The following CERK variants were observed in gnomAD, a reference collection of about 807,000 sequenced individuals.
CERK encodes ceramide kinase.
CERK carries 39 observed loss-of-function variants against 63.4 expected under a neutral mutation model. The observed-to-expected ratio is 0.61, with a 90% confidence interval of 0.48 to 0.80. The LOEUF is 0.80. Ranked by LOEUF, CERK falls within the 30% of genes least tolerant of loss-of-function variation. CERK has a pLI of 0.00. For synonymous variants in CERK, 302 were observed against 280.0 expected, an observed-to-expected ratio of 1.08 and a Z score of -0.78; for missense variants, 670 against 714.1, an observed-to-expected ratio of 0.94 and a Z score of 0.70.
Position 46,711,157 on chromosome 22 carries a change from GA to G in CERK, c.506-9del. The G allele has an allele frequency of 6.2e-7, 1 of 1,606,270 alleles. No homozygotes were observed. Among genetic ancestry groups the G allele is most frequent in the Non-Finnish European group, 8.5e-7 (1 of 1,172,918 alleles). On this transcript the variant is annotated splice_polypyrimidine_tract_variant and intron_variant, in intron 4 of 12. Transcript: ENST00000216264. ...GATTAGCATGTTCAGTAACTGTGGG[GA>G]AAAATTACATCACACAGTTTATATT...
At chr22:46,723,789 C>T (rs1447121751) in intron 1 of CERK, among the ~76,000 whole-genome samples, 1 of 151,914 alleles carries the variant, frequency 6.6e-6, no homozygotes, top group African/African-American at 2.4e-5. Context: ...CCTCCGCTTC[C>T]CAGGTTCAAG....
chr22:46,718,372 G>A (rs1033770052), intron 3 of CERK, among the ~76,000 whole-genome samples: 3 of 152,138 alleles, frequency 2.0e-5, no homozygotes, highest in South Asian at 2.1e-4. Context: ...CAGGACGGAC[G>A]GAAAGGGGGA....
intron 1 of CERK, among the ~76,000 whole-genome samples, chr22:46,721,871 T>A (rs2082894421): frequency 6.6e-6 from 1 of 152,160 alleles, no homozygotes; most frequent in African/African-American, 2.4e-5. Context: ...CAAGGACCCA[T>A]TCCACCCGAG....
chr22:46,720,334 C>G, intron 2 of CERK, 126 bp from the exon 3 acceptor site: 1 of 1,051,312 alleles, frequency 9.5e-7, no homozygotes, highest in Non-Finnish European at 1.3e-6. Flanking sequence ...GGTTCTCCTC[C>G]CTTCTAATTA....
chr22:46,693,442 C>A lies in CERK; in HGVS notation c.1111G>T (p.Gly371Cys), dbSNP rs781198807. Residue 371 changes from glycine to cysteine, a missense_variant, in exon 10 of 13, where the codon GGT (glycine) becomes TGT (cysteine). By Grantham distance (159) the Gly-to-Cys change is radical. Coordinates refer to ENST00000216264, the MANE Select transcript of CERK (RefSeq NM_022766.6). ...TAGGAATTACCCGCAGCTTCCAAACCATACAGTGCTTTCTTCTGCTCCTCC... is the reference window on the plus strand; with the variant it reads ...TAGGAATTACCCGCAGCTTCCAAACAATACAGTGCTTTCTTCTGCTCCTCC... ...LEEEQKKALYGLEAAEDVEEW... is the reference protein window; with the variant it reads ...LEEEQKKALYCLEAAEDVEEW... 6.2e-7 allele frequency: 1 copy of A among 1,614,122 alleles called. No individual in the cohort carries two copies. The highest frequency in any genetic ancestry group is 8.5e-7 in the Non-Finnish European group (1 of 1,179,978).
intron 12 of CERK, among the ~76,000 whole-genome samples, chr22:46,687,531 C>T (rs893149374): frequency 6.6e-6 from 1 of 152,226 alleles, no homozygotes. Context: ...GACTCGAACT[C>T]CAGCACCCCC....
At chr22:46,687,297 C>A in intron 12 of CERK, 91 bp from the exon 13 acceptor site, 1 of 486,960 alleles carries the variant, frequency 2.1e-6, no homozygotes, top group South Asian at 2.5e-5. Flanking sequence ...TGCAGTAAAC[C>A]CCACGTGTCC....
rs180704834 is a variant in CERK, at chr22:46,736,329, C to G, written c.142+1678G>C. ...TCCCACACAGATGCCCTGTAAGGGT[C>G]TGGCGTCTCTGCGGCGGCTGGAGCC... is the stretch of plus-strand genomic sequence containing the variant. On this transcript the variant is annotated intron_variant, in intron 1 of 12. Transcript: ENST00000216264. Among the ~76,000 whole-genome samples, 44 of 152,378 alleles carry G rather than the reference C, an allele frequency of 2.9e-4. No individual in the cohort carries two copies. In the East Asian group the frequency reaches 7.9e-3, roughly 27 times the overall value.
intron 1 of CERK, among the ~76,000 whole-genome samples, chr22:46,721,247 G>A (rs1292040788): frequency 6.6e-6 from 1 of 151,768 alleles, no homozygotes; most frequent in Non-Finnish European, 1.5e-5. Context: ...CTCCAGCCCT[G>A]GCAACAGCAC....
chr22:46,690,879 C>T (rs1014582027), intron 11 of CERK, among the ~76,000 whole-genome samples: 8 of 152,104 alleles, frequency 5.3e-5, no homozygotes, highest in East Asian at 1.9e-4. Flanking sequence ...AGAGAAACAA[C>T]GGGTAAGAAG....
At chr22:46,722,990 C>T (rs916885047) in intron 1 of CERK, among the ~76,000 whole-genome samples, 12 of 152,072 alleles carry the variant, frequency 7.9e-5, no homozygotes, top group South Asian at 4.1e-4. Flanking sequence ...CGAGCGGCTG[C>T]GAGAGGGTGG....
Position 46,738,250 on chromosome 22 carries a change from G to GGCGAGCT in CERK, c.-103_-102insAGCTCGC, listed in dbSNP as rs1555991037. 4.7e-5 allele frequency: 31 copies of GGCGAGCT among 664,168 alleles called. 1 individual carries two copies. The highest frequency in any genetic ancestry group is 5.6e-5 in the Non-Finnish European group (30 of 533,000). 41.1% of individuals were successfully genotyped at this position (664,168 alleles called of 1,614,324 possible). Reference sequence around the variant, plus strand: ...GTGGCCCGGGCGGCGGGCGGCGGGCGGCGGGAGGCGGCGCTGCGTCACCCC... The same window carrying GGCGAGCT: ...GTGGCCCGGGCGGCGGGCGGCGGGCGGCGAGCTGCGGGAGGCGGCGCTGCGTCACCCC... On this transcript the variant is annotated 5_prime_UTR_variant, in exon 1 of 13. Transcript: ENST00000216264.
At chr22:46,702,219 ATATATGTGTGTGTGTGTG>A (rs1385682956) in intron 6 of CERK, among the ~76,000 whole-genome samples, 3 of 97,210 alleles carry the variant, frequency 3.1e-5, no homozygotes, top group Admixed American at 1.2e-4. Context: ...AAAAAAATAT[ATATATGTGTGTGTGTGTG>A]TGTGTGTGTG....
chr22:46,690,015 C>T lies in CERK; in HGVS notation c.1518G>A (p.Leu506=), dbSNP rs201498314. 1.9e-5 allele frequency: 30 copies of T among 1,608,930 alleles called. No homozygotes were observed. The highest frequency in any genetic ancestry group is 3.3e-5 in the Admixed American group (2 of 59,842). ...NSSWNCDGEV[L]HSPAIEVRVH... is the part of the protein sequence containing the mutation. Reference sequence around the variant, plus strand: ...ACCTGACCTCGATGGCAGGGCTGTGCAGGACCTCCCCGTCGCAGTTCCAGG... The same window carrying T: ...ACCTGACCTCGATGGCAGGGCTGTGTAGGACCTCCCCGTCGCAGTTCCAGG... The change falls in exon 12 of 13, where the codon CTG becomes CTA. Residue 506 remains leucine (L), a synonymous_variant. Transcript: ENST00000216264.
At position 46,731,373 on chromosome 22, in the gene CERK, GA is replaced by G. The variant is rs540854170; in HGVS notation, c.142+6633del. On this transcript the variant is annotated intron_variant, in intron 1 of 12. Coordinates refer to ENST00000216264, the MANE Select transcript of CERK (RefSeq NM_022766.6). ...ACCCCCCGCCAAGGTGGCCTTAGCA[GA>G]GGCCTGGCGGGAGCTGTACCCCCCA... is the stretch of plus-strand genomic sequence containing the variant. 8.5e-4 allele frequency among the ~76,000 whole-genome samples: 130 copies of G among 152,372 alleles called. 2 individuals are homozygous for G. Among genetic ancestry groups the G allele is most frequent in the African/African-American group, 2.9e-3 (120 of 41,586 alleles).
At chr22:46,727,278 TCTC>T (rs976179225) in intron 1 of CERK, among the ~76,000 whole-genome samples, 3 of 151,180 alleles carry the variant, frequency 2.0e-5, no homozygotes, top group African/African-American at 7.3e-5. Context: ...GCCACCAATG[TCTC>T]CTCTTCTTTT....
intron 12 of CERK, among the ~76,000 whole-genome samples, chr22:46,687,801 G>C (rs2082710847): frequency 6.6e-6 from 1 of 152,192 alleles, no homozygotes; most frequent in African/African-American, 2.4e-5. Flanking sequence ...GAGTCCGTGG[G>C]TGAGTGCCAT....
intron 5 of CERK, among the ~76,000 whole-genome samples, chr22:46,708,783 C>T (rs1294522843): frequency 6.6e-6 from 1 of 152,012 alleles, no homozygotes. Flanking sequence ...CTCAGGTTTC[C>T]TGGACATCTC....
chr22:46,693,354 G>T, intron 10 of CERK, 73 bp downstream of exon 10: 1 of 1,223,492 alleles, frequency 8.2e-7, no homozygotes, highest in Non-Finnish European at 1.2e-6. Context: ...AAGAGGCAGT[G>T]CCCTGAGAGA....
Sources: allele counts gnomAD v4.1 joint callset (sites outside exome capture counted in the v4.1 genomes callset), GRCh38; gene constraint gnomAD v4.1.1; transcripts MANE v1.5; gene names NCBI Gene and HGNC (gene_info 2026-07-23, HGNC 2026-07-21).